Variants in FMNL2 observed in about 807,000 individuals in gnomAD.
FMNL2 encodes formin like 2.
In FMNL2, 51 loss-of-function variants were observed where a neutral mutation model predicts 130.2. That is an observed-to-expected ratio of 0.39 (90% CI 0.31 to 0.49). FMNL2 has a LOEUF of 0.49. Among genes scored for constraint, FMNL2 ranks in the 20% least tolerant of loss-of-function variants. The probability of loss-of-function intolerance (pLI) is 0.85; values close to 1 mark genes in which losing one functional copy is unlikely to be tolerated. For missense variants in FMNL2, 977 were observed against 1,316.2 expected (o/e 0.74, Z 3.99); for synonymous variants, 465 against 467.1 (o/e 1.00, Z 0.06).
chr2:152,587,762 A>G (rs374295726), intron 9 of FMNL2, among the ~76,000 whole-genome samples: 1 of 152,218 alleles, frequency 6.6e-6, no homozygotes, highest in East Asian at 1.9e-4. Flanking sequence ...CACTTACTGA[A>G]AAAAATGTGA....
intron 1 of FMNL2, among the ~76,000 whole-genome samples, chr2:152,343,620 G>C (rs557674683): frequency 6.6e-6 from 1 of 152,254 alleles, no homozygotes; most frequent in African/African-American, 2.4e-5. Flanking sequence ...TTTTGACCAT[G>C]TGCCTGGTGC....
At chr2:152,431,701 C>G (rs573256759) in intron 1 of FMNL2, among the ~76,000 whole-genome samples, 4 of 152,248 alleles carry the variant, frequency 2.6e-5, no homozygotes, top group African/African-American at 9.6e-5. Context: ...GTGTGAGGCT[C>G]ATGCCTGTAA....
intron 1 of FMNL2, among the ~76,000 whole-genome samples, chr2:152,344,965 A>G (rs1369619114): frequency 5.9e-5 from 9 of 152,230 alleles, no homozygotes; most frequent in African/African-American, 1.4e-4. Flanking sequence ...ATTGTTCTCA[A>G]TGCAAGACTC....
intron 1 of FMNL2, among the ~76,000 whole-genome samples, chr2:152,413,586 G>T (rs1686440275): frequency 6.6e-6 from 1 of 152,136 alleles, no homozygotes; most frequent in Non-Finnish European, 1.5e-5. Context: ...ATGATTAATG[G>T]TGTCCCCCAG....
rs562958604 is a variant in FMNL2, at chr2:152,467,238, CT to C, written c.118-54699del. 1.4e-4 allele frequency among the ~76,000 whole-genome samples: 21 copies of C among 152,218 alleles called. No homozygotes were observed. In the South Asian group the frequency reaches 3.7e-3, roughly 27 times the overall value. On this transcript the variant is annotated intron_variant, in intron 1 of 25. Transcript: ENST00000288670. ...TTACCATCTACCCCAGCACCTTATT[CT>C]TTTTTCTTGGAAGTGCCAACATATT...
At chr2:152,584,948 T>C (rs1457339825) in intron 9 of FMNL2, among the ~76,000 whole-genome samples, 2 of 152,106 alleles carry the variant, frequency 1.3e-5, no homozygotes, top group East Asian at 3.9e-4. Flanking sequence ...GCTTTGCTTA[T>C]GGTGGGGGTG....
chr2:152,590,096 G>A (rs1697349970), intron 9 of FMNL2, among the ~76,000 whole-genome samples: 1 of 148,734 alleles, frequency 6.7e-6, no homozygotes, highest in Admixed American at 6.7e-5. Context: ...ATGTTGCCCA[G>A]GCTCATTTTG....
chr2:152,571,141 TGGA>T (rs1696148519), intron 6 of FMNL2, among the ~76,000 whole-genome samples: 2 of 152,050 alleles, frequency 1.3e-5, no homozygotes, highest in Non-Finnish European at 2.9e-5. Context: ...AGGATGGCGT[TGGA>T]GTGTCTTCAA....
intron 1 of FMNL2, among the ~76,000 whole-genome samples, chr2:152,419,942 A>G (rs779959501): frequency 2.2e-4 from 34 of 152,236 alleles, no homozygotes; most frequent in Admixed American, 6.5e-4. Flanking sequence ...CAGAGACAGC[A>G]AAATCATCCA....
In FMNL2 at chr2:152,647,845, C is replaced by T. The variant is rs1488495212; in HGVS notation, c.3219C>T (p.Val1073=). Residue 1073 remains valine, a synonymous_variant, in exon 26 of 26, where the codon GTC becomes GTT. Coordinates refer to ENST00000288670, the MANE Select transcript of FMNL2 (RefSeq NM_052905.4). The stretch of plus-strand genomic sequence containing the variant: ...GAGCCGATGCGGTGAGGAGAAGCGT[C>T]AGGCGGCGCTTTGATGATCAGAACT... The part of the protein sequence containing the change: ...YRRADAVRRS[V]RRRFDDQNLR... 2.5e-6 allele frequency: 4 copies of T among 1,613,842 alleles called. No homozygotes were observed. Among genetic ancestry groups the T allele is most frequent in the African/African-American group, 1.3e-5 (1 of 74,928 alleles).
intron 22 of FMNL2, among the ~76,000 whole-genome samples, chr2:152,637,137 T>C (rs1267817127): frequency 6.6e-6 from 1 of 152,190 alleles, no homozygotes; most frequent in Non-Finnish European, 1.5e-5. Context: ...GAGTGTCCCC[T>C]GTGTGAGGCT....
intron 1 of FMNL2, among the ~76,000 whole-genome samples, chr2:152,492,065 A>G (rs1458247956): frequency 6.6e-6 from 1 of 151,972 alleles, no homozygotes; most frequent in South Asian, 2.1e-4. Context: ...TGTAAAAATA[A>G]AAAGTACTGG....
rs577069594 is a variant in FMNL2 at position 152,375,348 on chromosome 2, G to A, written c.117+39628G>A. ...GCCTCTGAAGGCATGGCGGAGGCCT[G>A]GAGTAGGGCCCTGCCAACCTTGAAT... On this transcript the variant is annotated intron_variant, in intron 1 of 25. Coordinates refer to ENST00000288670, the MANE Select transcript of FMNL2 (RefSeq NM_052905.4). 2.5e-4 allele frequency among the ~76,000 whole-genome samples: 38 copies of A among 152,338 alleles called. 1 individual carries two copies. In the South Asian group the frequency reaches 7.9e-3, roughly 32 times the overall value.
At chr2:152,400,566 G>A (rs1165678095) in intron 1 of FMNL2, among the ~76,000 whole-genome samples, 4 of 152,234 alleles carry the variant, frequency 2.6e-5, no homozygotes, top group Non-Finnish European at 5.9e-5. Flanking sequence ...CAAAGAGTAT[G>A]GAGGAGGAAT....
intron 25 of FMNL2, among the ~76,000 whole-genome samples, chr2:152,646,660 G>GTAGAT (rs1559039414): frequency 6.6e-6 from 1 of 152,186 alleles, no homozygotes; most frequent in African/African-American, 2.4e-5. Flanking sequence ...AACTTGTTGA[G>GTAGAT]TAGATAAAGG....
At chr2:152,351,517 C>G (rs1263512253) in intron 1 of FMNL2, among the ~76,000 whole-genome samples, 1 of 152,186 alleles carries the variant, frequency 6.6e-6, no homozygotes, top group African/African-American at 2.4e-5. Flanking sequence ...CATGTCCCTG[C>G]AAAGGCCATG....
chr2:152,631,880 G>A, intron 20 of FMNL2, 128 bp from the exon 21 acceptor site: 5 of 1,007,598 alleles, frequency 5.0e-6, no homozygotes, highest in South Asian at 1.9e-5. Context: ...CCCTCCTCTG[G>A]GAATGCTCCA....
At chr2:152,583,793 G>A (rs1402929365) in intron 9 of FMNL2, among the ~76,000 whole-genome samples, 1 of 152,136 alleles carries the variant, frequency 6.6e-6, no homozygotes, top group East Asian at 1.9e-4. Context: ...AGCTATTTCA[G>A]CAGTTTCCTT....
chr2:152,647,989 C>T lies in FMNL2; in HGVS notation c.*84C>T. The T allele has an allele frequency of 2.7e-6, 3 of 1,112,794 alleles. No individual in the cohort carries two copies. The highest frequency in any genetic ancestry group is 3.9e-6 in the Non-Finnish European group (3 of 775,962). The allele number at this position is 1,112,794 out of a possible 1,614,324, so 68.9% of individuals were successfully genotyped here. A position where few individuals can be genotyped will look rare whatever the true frequency, so the allele number is the denominator to read the frequency against. On this transcript the variant is annotated 3_prime_UTR_variant, in exon 26 of 26. Coordinates refer to ENST00000288670, the MANE Select transcript of FMNL2 (RefSeq NM_052905.4). ...TTTATGTGCTACGATTTAACTGCAG[C>T]CTTGAACACACACAAAAATATTCTT...
Sources: allele counts gnomAD v4.1 joint callset (sites outside exome capture counted in the v4.1 genomes callset), GRCh38; gene constraint gnomAD v4.1.1; transcripts MANE v1.5; gene names NCBI Gene and HGNC (gene_info 2026-07-23, HGNC 2026-07-21).